RIMBP2: variants seen among roughly 807,000 people sequenced by gnomAD.
The protein encoded by RIMBP2 is RIMS-binding protein 2.
RIMBP2 carries 48 observed loss-of-function variants against 118.6 expected under a neutral mutation model. The observed-to-expected ratio is 0.40, with a 90% CI of 0.32 to 0.51. RIMBP2 has a LOEUF of 0.51. Ranked by LOEUF, RIMBP2 falls within the 20% of genes least tolerant of loss-of-function variation. The probability of loss-of-function intolerance (pLI) is 0.41; values close to 1 mark genes in which losing one functional copy is unlikely to be tolerated. For synonymous variants in RIMBP2, 762 were observed against 742.9 expected, an observed-to-expected ratio of 1.03 and a Z score of -0.42; for missense variants, 1,551 against 1,768.3, an observed-to-expected ratio of 0.88 and a Z score of 2.20.
At chr12:130,399,919 A>T (rs990599760) in intron 21 of RIMBP2, 106 bp from the exon 22 acceptor site, 2 of 1,293,526 alleles carry the variant, frequency 1.5e-6, no homozygotes, top group Admixed American at 4.7e-5. Context: ...TGGTGAGTTT[A>T]TTCTGGTTCA....
Position 130,620,492 on chromosome 12 carries a change from G to C in RIMBP2, c.-217+7830C>G, listed in dbSNP as rs1478176525. On this transcript the variant is annotated intron_variant, in intron 2 of 22. Transcript: ENST00000690449. This position sits in a 1 kb window ranked among gnomAD's most constrained non-coding sequence, Gnocchi z 5.3. ...TCCTCCAGCCGCCGTGACAAAGTAC[G>C]ACAAGCCAGGAGGCTTGAAGAACAG... 6.6e-6 allele frequency among the ~76,000 whole-genome samples: 1 copy of C among 152,200 alleles called. No homozygotes were observed. The highest frequency in any genetic ancestry group is 2.4e-5 in the African/African-American group (1 of 41,454).
chr12:130,430,046 C>A (rs1033821851), intron 14 of RIMBP2: 2 of 152,262 alleles, frequency 1.3e-5, no homozygotes, highest in African/African-American at 4.8e-5. Context: ...CTGGCATTCG[C>A]CAGATGCTTG....
At position 130,703,839 on chromosome 12, in the gene RIMBP2, T is replaced by G. The variant is rs2065974622; in HGVS notation, c.-352+12383A>C. On this transcript the variant is annotated intron_variant, in intron 1 of 22. Transcript: ENST00000690449. The surrounding 1 kb of genome is among the most constrained non-coding windows in gnomAD (Gnocchi z 5.7). The stretch of plus-strand genomic sequence containing the variant: ...ATACAGAGAGAGAGAGAGAGATCGA[T>G]CTAGAAGCACGGAGGGAACCCTGAG... Among the ~76,000 whole-genome samples the G allele has an allele frequency of 6.6e-6, 1 of 150,540 alleles. No individual in the cohort carries two copies. Among genetic ancestry groups the G allele is most frequent in the Non-Finnish European group, 1.5e-5 (1 of 67,428 alleles).
chr12:130,574,425 T>C (rs770776662), intron 2 of RIMBP2, among the ~76,000 whole-genome samples: 6 of 152,140 alleles, frequency 3.9e-5, no homozygotes, highest in Non-Finnish European at 5.9e-5. Flanking sequence ...AGAGTCAAAT[T>C]CTCATCTCAT....
chr12:130,505,160 G>A (rs2050179235), intron 4 of RIMBP2, among the ~76,000 whole-genome samples: 1 of 152,154 alleles, frequency 6.6e-6, no homozygotes, highest in African/African-American at 2.4e-5. Context: ...GTTACATCCT[G>A]AAAACTTAGA....
Position 130,511,101 on chromosome 12 carries a change from G to T in RIMBP2, c.-126-4331C>A, listed in dbSNP as rs1398866390. On this transcript the variant is annotated intron_variant, in intron 3 of 22. Transcript: ENST00000690449. This position sits in a 1 kb window ranked among gnomAD's most constrained non-coding sequence, Gnocchi z 4.3. ...ATCCTGAGAGTGGGAGAGCACCGGGGTTATCCAGATGGGCTCTACGTAGTC... is the reference window on the plus strand; with the variant it reads ...ATCCTGAGAGTGGGAGAGCACCGGGTTTATCCAGATGGGCTCTACGTAGTC... Among the ~76,000 whole-genome samples the T allele has an allele frequency of 2.0e-5, 3 of 152,188 alleles. No individual in the cohort carries two copies. Among genetic ancestry groups the T allele is most frequent in the African/African-American group, 7.2e-5 (3 of 41,436 alleles).
At chr12:130,535,634 TACAC>T (rs199965266) in intron 2 of RIMBP2, among the ~76,000 whole-genome samples, 2 of 148,614 alleles carry the variant, frequency 1.3e-5, no homozygotes, top group African/African-American at 5.0e-5. Flanking sequence ...TCTATATATA[TACAC>T]ATAGATATAC....
chr12:130,589,295 A>G (rs898597868), intron 2 of RIMBP2, among the ~76,000 whole-genome samples: 14 of 152,384 alleles, frequency 9.2e-5, no homozygotes, highest in African/African-American at 3.1e-4. Context: ...GCGCACACAT[A>G]CAACACACGC....
chr12:130,486,752 A>T (rs2082523590), intron 4 of RIMBP2, among the ~76,000 whole-genome samples: 1 of 148,638 alleles, frequency 6.7e-6, no homozygotes, highest in East Asian at 2.0e-4. Context: ...GTGCACCCAA[A>T]CTCCCCCCAC....
intron 2 of RIMBP2, among the ~76,000 whole-genome samples, chr12:130,554,830 T>C (rs753980504): frequency 2.0e-5 from 3 of 152,210 alleles, no homozygotes; most frequent in Non-Finnish European, 2.9e-5. Flanking sequence ...CTACACATTT[T>C]ATAAACATTA....
chr12:130,600,001 G>T (rs748721934), intron 2 of RIMBP2, among the ~76,000 whole-genome samples: 1 of 152,038 alleles, frequency 6.6e-6, no homozygotes, highest in Non-Finnish European at 1.5e-5. Flanking sequence ...GAATGTAACC[G>T]TCTGTCTCTT....
chr12:130,697,946 C>T (rs1398712120), intron 1 of RIMBP2, among the ~76,000 whole-genome samples: 1 of 152,226 alleles, frequency 6.6e-6, no homozygotes, highest in Non-Finnish European at 1.5e-5. Flanking sequence ...TAGGAAGCAG[C>T]TGGAACCATG....
chr12:130,577,405 C>T (rs2058157430), intron 2 of RIMBP2, among the ~76,000 whole-genome samples: 1 of 152,174 alleles, frequency 6.6e-6, no homozygotes, highest in African/African-American at 2.4e-5. Flanking sequence ...TTAAGGGACT[C>T]ACAGTTCCAC....
At chr12:130,494,701 G>A (rs1471389896) in intron 4 of RIMBP2, among the ~76,000 whole-genome samples, 2 of 151,988 alleles carry the variant, frequency 1.3e-5, no homozygotes, top group African/African-American at 2.4e-5. Flanking sequence ...ACCCACGGAG[G>A]CCTCCAGGAC....
chr12:130,708,870 C>A (rs1377901339), intron 1 of RIMBP2, among the ~76,000 whole-genome samples: 1 of 152,200 alleles, frequency 6.6e-6, no homozygotes, highest in Non-Finnish European at 1.5e-5. Context: ...ACAGGTCCTG[C>A]AGCGCTGTAG....
At chr12:130,484,498 A>C (rs2138263688) in intron 4 of RIMBP2, among the ~76,000 whole-genome samples, 1 of 152,208 alleles carries the variant, frequency 6.6e-6, no homozygotes, top group African/African-American at 2.4e-5. Flanking sequence ...CCTCATCCCC[A>C]GTGCACTGGC....
At chr12:130,652,348 T>C (rs1035734031) in intron 1 of RIMBP2, among the ~76,000 whole-genome samples, 7 of 152,356 alleles carry the variant, frequency 4.6e-5, no homozygotes, top group African/African-American at 1.7e-4. Context: ...CTTTCTAGCC[T>C]GCAAAGCTGA....
rs2058489777 is a variant in RIMBP2 at position 130,581,662 on chromosome 12, T to C, written c.-217+46660A>G. On this transcript the variant is annotated intron_variant, in intron 2 of 22. Transcript: ENST00000690449. This position sits in a 1 kb window ranked among gnomAD's most constrained non-coding sequence, Gnocchi z 4.4. ...TCCTGTGGACTCTGACTTCAGGACA[T>C]ACCCGGAACGTAAGTACTTTCTCCA... Among the ~76,000 whole-genome samples, 1 of 152,202 alleles carries C rather than the reference T, an allele frequency of 6.6e-6. No homozygotes were observed.
In RIMBP2 at chr12:130,581,279, G is replaced by C. The variant is rs1394433649; in HGVS notation, c.-217+47043C>G. 6.6e-6 allele frequency among the ~76,000 whole-genome samples: 1 copy of C among 151,344 alleles called. No homozygotes were observed. The highest frequency in any genetic ancestry group is 1.9e-4 in the East Asian group (1 of 5,190). On this transcript the variant is annotated intron_variant, in intron 2 of 22. Coordinates refer to ENST00000690449, the MANE Select transcript of RIMBP2 (RefSeq NM_001393629.1). This position sits in a 1 kb window ranked among gnomAD's most constrained non-coding sequence, Gnocchi z 4.4. ...CGGGAGTCAGGTTCAAACACAACAGGGTGGGGGGCGTGGATCTGGTGAGCT... is the reference window on the plus strand; with the variant it reads ...CGGGAGTCAGGTTCAAACACAACAGCGTGGGGGGCGTGGATCTGGTGAGCT...
Sources: allele counts gnomAD v4.1 joint callset (sites outside exome capture counted in the v4.1 genomes callset), GRCh38; gene constraint gnomAD v4.1.1; non-coding constraint Gnocchi (gnomAD v3.1); transcripts MANE v1.5; gene names NCBI Gene and HGNC (gene_info 2026-07-23, HGNC 2026-07-21).